FNDC3A: variants seen among roughly 807,000 people sequenced by gnomAD.
FNDC3A encodes the protein fibronectin type III domain containing 3A.
FNDC3A carries 32 observed loss-of-function variants against 148.9 expected under a neutral mutation model. That is an observed-to-expected ratio of 0.21 (90% CI 0.16 to 0.29). The LOEUF is 0.29. FNDC3A is among the 10% of genes least tolerant of loss of function. The probability of loss-of-function intolerance (pLI) is 1.00; values close to 1 mark genes in which losing one functional copy is unlikely to be tolerated. For missense variants in FNDC3A, 1,191 were observed against 1,452.8 expected (o/e 0.82, Z 2.93); for synonymous variants, 472 against 473.6 (o/e 1.00, Z 0.04).
At chr13:49,075,250 T>C (rs776157780) in intron 2 of FNDC3A, 39 bp from the exon 3 acceptor site, 4 of 1,263,442 alleles carry the variant, frequency 3.2e-6, no homozygotes, top group Non-Finnish European at 4.6e-6. Context: ...GATTTGCTTT[T>C]TTTTGTTTTG....
At chr13:49,070,796 C>G (rs780563494) in intron 2 of FNDC3A, among the ~76,000 whole-genome samples, 21 of 151,668 alleles carry the variant, frequency 1.4e-4, no homozygotes, top group African/African-American at 4.8e-4. Context: ...TGAGAACATG[C>G]AATATTTATG....
chr13:49,161,427 C>CT (rs899776905), intron 8 of FNDC3A, among the ~76,000 whole-genome samples: 5 of 151,904 alleles, frequency 3.3e-5, no homozygotes, highest in African/African-American at 9.7e-5. Context: ...GCAACCCCTG[C>CT]TTTTTTTTGT....
intron 13 of FNDC3A, among the ~76,000 whole-genome samples, chr13:49,177,442 T>TAA (rs1702851267): frequency 2.0e-5 from 3 of 152,208 alleles, no homozygotes; most frequent in Non-Finnish European, 2.9e-5. Context: ...TTAGGGTGTA[T>TAA]TCTATTATTA....
At chr13:49,015,334 C>T (rs1211816400) in intron 2 of FNDC3A, among the ~76,000 whole-genome samples, 4 of 152,070 alleles carry the variant, frequency 2.6e-5, no homozygotes, top group African/African-American at 4.8e-5. Flanking sequence ...AAGTTGGATT[C>T]CTAGGTATTT....
At position 49,207,509 on chromosome 13, in the gene FNDC3A, G is replaced by A. The variant is rs1886707726; in HGVS notation, c.*114G>A. 4.4e-6 allele frequency: 3 copies of A among 683,516 alleles called. No homozygotes were observed. The highest frequency in any genetic ancestry group is 3.6e-5 in the African/African-American group (2 of 54,998). 42.3% of individuals were successfully genotyped at this position (683,516 alleles called of 1,614,324 possible). A position where few individuals can be genotyped will look rare whatever the true frequency, so the allele number is the denominator to read the frequency against. ...ATTTAGCACTGGCATTGAGACTATA[G>A]CACATCATTTTTGCCATTTTCAGTG... On this transcript the variant is annotated 3_prime_UTR_variant, in exon 26 of 26. Coordinates refer to ENST00000492622, the MANE Select transcript of FNDC3A (RefSeq NM_001079673.2).
At chr13:49,206,606 G>A (rs1470638177) in intron 25 of FNDC3A, among the ~76,000 whole-genome samples, 4 of 152,082 alleles carry the variant, frequency 2.6e-5, no homozygotes, top group Non-Finnish European at 4.4e-5. Flanking sequence ...TTTGCCATAG[G>A]CACCTATAGA....
intron 2 of FNDC3A, among the ~76,000 whole-genome samples, chr13:49,058,173 G>A (rs566617574): frequency 8.5e-5 from 13 of 152,222 alleles, no homozygotes; most frequent in African/African-American, 3.1e-4. Context: ...CTCCCCGAGT[G>A]AGCAATTCCT....
At chr13:49,134,987 C>G (rs1337753333) in intron 5 of FNDC3A, among the ~76,000 whole-genome samples, 1 of 151,330 alleles carries the variant, frequency 6.6e-6, no homozygotes, top group Non-Finnish European at 1.5e-5. Context: ...TCGCGAATAG[C>G]TGGGATTACA....
intron 3 of FNDC3A, among the ~76,000 whole-genome samples, chr13:49,086,665 A>G (rs149833298): frequency 1.4e-3 from 212 of 152,312 alleles, no homozygotes; most frequent in African/African-American, 4.9e-3. Flanking sequence ...TAATTAGCAA[A>G]CTAAACCATG....
rs1263113407 is a variant in FNDC3A at position 49,198,572 on chromosome 13, A to G, written c.2985A>G (p.Gly995=). 2 of 1,610,306 alleles carry G rather than the reference A, an allele frequency of 1.2e-6. No individual in the cohort carries two copies. Among genetic ancestry groups the G allele is most frequent in the Non-Finnish European group, 8.5e-7 (1 of 1,176,634 alleles). The change falls in exon 23 of 26, where the codon GGA becomes GGG. Residue 995 remains glycine, a splice_region_variant and synonymous_variant. Coordinates refer to ENST00000492622, the MANE Select transcript of FNDC3A (RefSeq NM_001079673.2). ...ACCTTCAGATGGAGGATAAGAATGGACGGTAGGTTTTTTTAATTGCTTCTT... is the reference window on the plus strand; with the variant it reads ...ACCTTCAGATGGAGGATAAGAATGGGCGGTAGGTTTTTTTAATTGCTTCTT... ...QYHLQMEDKN[G]RFVSLYRGPC...
intron 2 of FNDC3A, among the ~76,000 whole-genome samples, chr13:49,039,581 A>G (rs1277361778): frequency 6.6e-6 from 1 of 152,186 alleles, no homozygotes; most frequent in African/African-American, 2.4e-5. Context: ...ATCGTTTATT[A>G]AGAATTGCAG....
At chr13:48,977,614 A>T (rs6561491) in intron 1 of FNDC3A, among the ~76,000 whole-genome samples, 88,098 of 152,044 alleles carry the variant, frequency 0.58, 27,172 homozygotes, top group Non-Finnish European at 0.68. Flanking sequence ...ACTGAGACAG[A>T]TGGTGGCCCA....
intron 13 of FNDC3A, 128 bp downstream of exon 13, chr13:49,175,669 C>T: frequency 3.4e-6 from 2 of 583,036 alleles, no homozygotes; most frequent in Admixed American, 6.8e-5. Flanking sequence ...AATTTGACTT[C>T]CTCTCTTCCT....
Position 49,209,392 on chromosome 13 carries a change from G to T in FNDC3A, c.*1997G>T, listed in dbSNP as rs1343402363. ...AGAAAACAATTTTTAATGTAATCTT[G>T]ATTTTACCTCATATACTGTACATTC... On this transcript the variant is annotated 3_prime_UTR_variant, in exon 26 of 26. Transcript: ENST00000492622. The T allele has an allele frequency of 6.6e-6, 1 of 152,442 alleles. No individual in the cohort carries two copies. Among genetic ancestry groups the T allele is most frequent in the Non-Finnish European group, 1.5e-5 (1 of 67,980 alleles). 9.4% of individuals were successfully genotyped at this position (152,442 alleles called of 1,614,324 possible). A position where few individuals can be genotyped will look rare whatever the true frequency, so the allele number is the denominator to read the frequency against.
chr13:49,050,274 T>C (rs1305770213), intron 2 of FNDC3A, among the ~76,000 whole-genome samples: 3 of 152,256 alleles, frequency 2.0e-5, no homozygotes, highest in African/African-American at 4.8e-5. Context: ...GATGTAGATA[T>C]TTAATATGAT....
chr13:49,039,957 G>A (rs1373250337), intron 2 of FNDC3A, among the ~76,000 whole-genome samples: 1 of 152,118 alleles, frequency 6.6e-6, no homozygotes, highest in Non-Finnish European at 1.5e-5. Context: ...CAGGTGATCT[G>A]CCTGCCTCAG....
chr13:49,103,925 T>C (rs1467613412), intron 3 of FNDC3A, among the ~76,000 whole-genome samples: 1 of 151,902 alleles, frequency 6.6e-6, no homozygotes, highest in East Asian at 1.9e-4. Context: ...TTCATGAGAG[T>C]AGTAAATAAG....
At chr13:49,178,882 G>A (rs1048388253) in intron 14 of FNDC3A, among the ~76,000 whole-genome samples, 2 of 152,016 alleles carry the variant, frequency 1.3e-5, no homozygotes, top group Non-Finnish European at 2.9e-5. Flanking sequence ...ACAGGTGCAT[G>A]CCACCACACC....
At chr13:49,178,942 A>G (rs716722) in intron 14 of FNDC3A, among the ~76,000 whole-genome samples, 100,535 of 151,900 alleles carry the variant, frequency 0.66, 33,433 homozygotes, top group Admixed American at 0.69. Context: ...GCCCAGGCTG[A>G]TCTCACACTC....
Sources: allele counts gnomAD v4.1 joint callset (sites outside exome capture counted in the v4.1 genomes callset), GRCh38; gene constraint gnomAD v4.1.1; transcripts MANE v1.5; gene names NCBI Gene and HGNC (gene_info 2026-07-23, HGNC 2026-07-21).